The following BCAS3 variants were observed in gnomAD, a reference collection of about 807,000 sequenced individuals.
BCAS3 encodes the protein BCAS4/BCAS3 fusion.
In BCAS3, 53 loss-of-function variants were observed where a neutral mutation model predicts 116.1. The observed-to-expected ratio is 0.46, with a 90% CI of 0.37 to 0.57. The LOEUF is 0.57. BCAS3 is among the 20% of genes least tolerant of loss of function. BCAS3 has a pLI of 0.00. For synonymous variants in BCAS3, 391 were observed against 408.2 expected, an observed-to-expected ratio of 0.96 and a Z score of 0.51; for missense variants, 917 against 1,165.4, an observed-to-expected ratio of 0.79 and a Z score of 3.10.
intron 9 of BCAS3, among the ~76,000 whole-genome samples, chr17:60,880,500 G>C (rs1485951290): frequency 6.6e-6 from 1 of 152,172 alleles, no homozygotes; most frequent in Non-Finnish European, 1.5e-5. Flanking sequence ...ATGTGGGCCA[G>C]GATGGTCTTG....
chr17:60,708,804 A>G (rs1017443743), intron 4 of BCAS3, among the ~76,000 whole-genome samples: 12 of 152,156 alleles, frequency 7.9e-5, no homozygotes, highest in Non-Finnish European at 2.9e-5. Flanking sequence ...CTGGGATCAC[A>G]GATGTGAGCC....
At chr17:61,179,873 TC>T (rs1441974228) in intron 22 of BCAS3, among the ~76,000 whole-genome samples, 5 of 69,002 alleles carry the variant, frequency 7.2e-5, no homozygotes, top group East Asian at 6.2e-4. Flanking sequence ...TCTCTCTCTC[TC>T]TTTTTTTTTT....
chr17:60,689,826 AAGAG>A, intron 4 of BCAS3, 65 bp downstream of exon 4: 1 of 1,113,950 alleles, frequency 9.0e-7, no homozygotes, highest in South Asian at 1.3e-5. Context: ...TGATTCCAAA[AAGAG>A]AGCCTCTACT....
intron 22 of BCAS3, among the ~76,000 whole-genome samples, chr17:61,149,969 T>C (rs2077453761): frequency 1.3e-5 from 2 of 152,126 alleles, no homozygotes; most frequent in South Asian, 4.1e-4. Context: ...GGTAACAATT[T>C]AACAAGACTG....
Position 61,008,344 on chromosome 17 carries a change from C to A in BCAS3, c.1487-7407C>A, listed in dbSNP as rs999216408. Among the ~76,000 whole-genome samples the A allele has an allele frequency of 6.6e-6, 1 of 152,038 alleles. No individual in the cohort carries two copies. The highest frequency in any genetic ancestry group is 2.4e-5 in the African/African-American group (1 of 41,410). On this transcript the variant is annotated intron_variant, in intron 15 of 23. Coordinates refer to ENST00000407086, the MANE Select transcript of BCAS3 (RefSeq NM_017679.5). This position sits in a 1 kb window ranked among gnomAD's most constrained non-coding sequence, Gnocchi z 4.6. ...TGGAGAGAGAGACACACACTCCCATCCCAACCAAAAATAACCCACCTGCAG... is the reference window on the plus strand; with the variant it reads ...TGGAGAGAGAGACACACACTCCCATACCAACCAAAAATAACCCACCTGCAG...
At chr17:60,714,962 A>G (rs2038392258) in intron 5 of BCAS3, among the ~76,000 whole-genome samples, 1 of 152,066 alleles carries the variant, frequency 6.6e-6, no homozygotes, top group Non-Finnish European at 1.5e-5. Context: ...CCCTTTTCTC[A>G]ACCATCCCTA....
intron 7 of BCAS3, among the ~76,000 whole-genome samples, chr17:60,837,807 A>G (rs1389737098): frequency 6.6e-6 from 1 of 151,936 alleles, no homozygotes; most frequent in Non-Finnish European, 1.5e-5. Flanking sequence ...GCGTGCCACC[A>G]TGCTTGGCTA....
chr17:60,727,326 GC>G (rs1425350269), intron 5 of BCAS3: 5 of 1,328,524 alleles, frequency 3.8e-6, no homozygotes, highest in Middle Eastern at 1.9e-4. Context: ...AGGAAAACTG[GC>G]CTTCTCTGCC....
Position 61,249,033 on chromosome 17 carries a change from C to A in BCAS3, c.2426-119294C>A, listed in dbSNP as rs954323998. Among the ~76,000 whole-genome samples the A allele has an allele frequency of 6.6e-6, 1 of 152,126 alleles. No homozygotes were observed. Among genetic ancestry groups the A allele is most frequent in the African/African-American group, 2.4e-5 (1 of 41,428 alleles). Reference sequence around the variant, plus strand: ...GGGCTTGGTGGCTCACGCCTGTAATCCCAGAACTTTGGGAGGCCGAGGCAG... The same window carrying A: ...GGGCTTGGTGGCTCACGCCTGTAATACCAGAACTTTGGGAGGCCGAGGCAG... On this transcript the variant is annotated intron_variant, in intron 22 of 23. Transcript: ENST00000407086. This position sits in a 1 kb window ranked among gnomAD's most constrained non-coding sequence, Gnocchi z 6.2.
chr17:60,928,382 T>A (rs887496126), intron 13 of BCAS3, among the ~76,000 whole-genome samples: 6 of 152,186 alleles, frequency 3.9e-5, no homozygotes, highest in Non-Finnish European at 5.9e-5. Flanking sequence ...TATGGTACAT[T>A]TGAAATAGAT....
rs938064761 is a variant in BCAS3 at position 61,222,693 on chromosome 17, A to C, written c.2425+138129A>C. On this transcript the variant is annotated intron_variant, in intron 22 of 23. Coordinates refer to ENST00000407086, the MANE Select transcript of BCAS3 (RefSeq NM_017679.5). The surrounding 1 kb of genome is among the most constrained non-coding windows in gnomAD (Gnocchi z 6.1). Reference sequence around the variant, plus strand: ...ATGGGTTTTTTTTGTTTGTTTGTTTAATTTTCATTCAGCAACCAGTGGTCT... The same window carrying C: ...ATGGGTTTTTTTTGTTTGTTTGTTTCATTTTCATTCAGCAACCAGTGGTCT... Among the ~76,000 whole-genome samples the C allele has an allele frequency of 6.6e-6, 1 of 151,688 alleles. No homozygotes were observed. Among genetic ancestry groups the C allele is most frequent in the Non-Finnish European group, 1.5e-5 (1 of 67,956 alleles).
chr17:60,689,770 T>G lies in BCAS3; in HGVS notation c.214+9T>G, dbSNP rs746320029. 8.8e-5 allele frequency: 139 copies of G among 1,572,744 alleles called. No individual in the cohort carries two copies. Among genetic ancestry groups the G allele is most frequent in the Non-Finnish European group, 1.1e-4 (127 of 1,144,830 alleles). Reference sequence around the variant, plus strand: ...AAATGCAGATTTAAATGGTATGGTTTTAACTTTTTTTGGGACGTGTGAATT... The same window carrying G: ...AAATGCAGATTTAAATGGTATGGTTGTAACTTTTTTTGGGACGTGTGAATT... On this transcript the variant is annotated intron_variant, in intron 4 of 23. Coordinates refer to ENST00000407086, the MANE Select transcript of BCAS3 (RefSeq NM_017679.5).
At chr17:60,756,080 C>T (rs1439379719) in intron 6 of BCAS3, among the ~76,000 whole-genome samples, 1 of 147,952 alleles carries the variant, frequency 6.8e-6, no homozygotes, top group African/African-American at 2.4e-5. Flanking sequence ...CATCAGGGAC[C>T]TGTTTTGTGG....
chr17:60,814,298 T>TGCGCGCGC (rs778722592), intron 7 of BCAS3, among the ~76,000 whole-genome samples: 40 of 115,110 alleles, frequency 3.5e-4, no homozygotes, highest in African/African-American at 1.5e-3. Flanking sequence ...TGTGTGTGTG[T>TGCGCGCGC]GTGTGTGTGC....
At position 61,132,304 on chromosome 17, in the gene BCAS3, G is replaced by A. The variant is rs2076384780; in HGVS notation, c.2425+47740G>A. On this transcript the variant is annotated intron_variant, in intron 22 of 23. Coordinates refer to ENST00000407086, the MANE Select transcript of BCAS3 (RefSeq NM_017679.5). The surrounding 1 kb of genome is among the most constrained non-coding windows in gnomAD (Gnocchi z 5.1). ...AACCAGGTCAAAAGTTTCAAATCTA[G>A]TGTTAAGTCCGTAACTGAAGGCACC... Among the ~76,000 whole-genome samples, 1 of 152,194 alleles carries A rather than the reference G, an allele frequency of 6.6e-6. No homozygotes were observed. Among genetic ancestry groups the A allele is most frequent in the Non-Finnish European group, 1.5e-5 (1 of 68,044 alleles).
intron 6 of BCAS3, among the ~76,000 whole-genome samples, chr17:60,748,026 A>C (rs1002067764): frequency 6.6e-6 from 1 of 152,066 alleles, no homozygotes; most frequent in Non-Finnish European, 1.5e-5. Flanking sequence ...ATGTTTTTGC[A>C]TGTACAGTGA....
chr17:61,061,847 C>A (rs756757551), intron 19 of BCAS3, among the ~76,000 whole-genome samples: 18 of 152,072 alleles, frequency 1.2e-4, no homozygotes, highest in African/African-American at 4.1e-4. Flanking sequence ...AAAAAAACAA[C>A]GTGTTTGAGC....
At chr17:60,975,158 C>T (rs1462746177) in intron 14 of BCAS3, among the ~76,000 whole-genome samples, 3 of 151,460 alleles carry the variant, frequency 2.0e-5, no homozygotes, top group Non-Finnish European at 4.4e-5. Context: ...CCCGCCACCG[C>T]GCCCGGCTAA....
rs1405827897 is a variant in BCAS3, at chr17:61,130,262, T to A, written c.2425+45698T>A. Among the ~76,000 whole-genome samples, 3 of 152,348 alleles carry A rather than the reference T, an allele frequency of 2.0e-5. No homozygotes were observed. In the East Asian group the frequency reaches 5.8e-4, roughly 29 times the overall value. Reference sequence around the variant, plus strand: ...ATACTTAATAATAATTCCACAAGTATTTCTCTCAATTCTAAATCCCAGAGC... The same window carrying A: ...ATACTTAATAATAATTCCACAAGTAATTCTCTCAATTCTAAATCCCAGAGC... On this transcript the variant is annotated intron_variant, in intron 22 of 23. Coordinates refer to ENST00000407086, the MANE Select transcript of BCAS3 (RefSeq NM_017679.5). This position sits in a 1 kb window ranked among gnomAD's most constrained non-coding sequence, Gnocchi z 5.0.
Sources: gnomAD v4.1 joint callset for allele counts (sites outside exome capture counted in the v4.1 genomes callset) on GRCh38, gnomAD v4.1.1 for gene constraint, Gnocchi (gnomAD v3.1) non-coding constraint, MANE v1.5 for transcripts, NCBI Gene and HGNC (gene_info 2026-07-23, HGNC 2026-07-21) for gene names.